The following ATRNL1 variants were observed in gnomAD, a reference collection of about 807,000 sequenced individuals.
The protein encoded by ATRNL1 is attractin-like protein 1.
Under a neutral mutation model 182.7 loss-of-function variants are expected in ATRNL1, and 95 were observed. The ratio of observed to expected loss-of-function variants is 0.52; its 90% CI spans 0.44 to 0.62. The LOEUF is 0.62. Ranked by LOEUF, ATRNL1 falls within the 20% of genes least tolerant of loss-of-function variation. The pLI is 0.00. For synonymous variants in ATRNL1, 576 were observed against 568.3 expected (o/e 1.01, Z -0.19); for missense variants, 1,471 against 1,679.5 (o/e 0.88, Z 2.17).
intron 8 of ATRNL1, among the ~76,000 whole-genome samples, chr10:115,185,547 C>G (rs1847907105): frequency 6.6e-6 from 1 of 151,814 alleles, no homozygotes; most frequent in Non-Finnish European, 1.5e-5. Context: ...TGAGAGTAGA[C>G]AGACAGGTAC....
intron 20 of ATRNL1, among the ~76,000 whole-genome samples, chr10:115,407,046 T>C (rs1385973076): frequency 2.0e-5 from 3 of 152,166 alleles, no homozygotes; most frequent in African/African-American, 7.2e-5. Flanking sequence ...GATTTTTGTT[T>C]CTTCTAGTGT....
At chr10:115,160,271 G>GT in intron 6 of ATRNL1, 57 bp downstream of exon 6, 2 of 1,470,132 alleles carry the variant, frequency 1.4e-6, no homozygotes, top group East Asian at 2.4e-5. Context: ...TATCCAAAAT[G>GT]TCTTTTTTTT....
intron 24 of ATRNL1, among the ~76,000 whole-genome samples, chr10:115,500,309 A>T (rs963773666): frequency 1.3e-5 from 2 of 152,212 alleles, no homozygotes; most frequent in African/African-American, 2.4e-5. Flanking sequence ...AATAAGGAAA[A>T]CAAATTGAAA....
chr10:115,695,064 T>G (rs1167837698), intron 26 of ATRNL1, among the ~76,000 whole-genome samples: 2 of 152,016 alleles, frequency 1.3e-5, no homozygotes, highest in Admixed American at 6.6e-5. Flanking sequence ...AATACTGTTT[T>G]TCATAAAATA....
chr10:115,636,850 A>T (rs1262824198), intron 26 of ATRNL1, among the ~76,000 whole-genome samples: 8 of 152,234 alleles, frequency 5.3e-5, no homozygotes, highest in Admixed American at 5.2e-4. Context: ...TAGCATATCC[A>T]TACAGTGGAA....
chr10:115,192,933 C>T (rs1554890184), intron 8 of ATRNL1, among the ~76,000 whole-genome samples: 1 of 151,892 alleles, frequency 6.6e-6, no homozygotes, highest in Non-Finnish European at 1.5e-5. Context: ...ATCCCTGCAA[C>T]ATTACTGGAT....
intron 26 of ATRNL1, among the ~76,000 whole-genome samples, chr10:115,678,503 A>C (rs554914477): frequency 1.3e-5 from 2 of 152,084 alleles, no homozygotes; most frequent in South Asian, 4.1e-4. Context: ...TTTTATTACC[A>C]CTTTGCTCAT....
intron 5 of ATRNL1, among the ~76,000 whole-genome samples, chr10:115,137,035 A>G (rs1015164991): frequency 2.0e-5 from 3 of 152,224 alleles, no homozygotes; most frequent in Admixed American, 2.0e-4. Flanking sequence ...AAAGAACACA[A>G]TAGAACAGTA....
chr10:115,569,422 T>C (rs1306923331), intron 26 of ATRNL1, among the ~76,000 whole-genome samples: 1 of 152,192 alleles, frequency 6.6e-6, no homozygotes, highest in Admixed American at 6.5e-5. Context: ...TTTTTATAGC[T>C]ATGAGCAGAT....
At chr10:115,546,562 G>C (rs1259451948) in intron 25 of ATRNL1, among the ~76,000 whole-genome samples, 2 of 140,992 alleles carry the variant, frequency 1.4e-5, no homozygotes, top group African/African-American at 6.2e-5. Context: ...GTGAGACTCT[G>C]TCTCAAAAAA....
intron 26 of ATRNL1, among the ~76,000 whole-genome samples, chr10:115,608,934 A>T (rs1555018259): frequency 6.6e-6 from 1 of 151,978 alleles, no homozygotes; most frequent in African/African-American, 2.4e-5. Context: ...TAATGGTAAT[A>T]GTTACTGGGG....
At chr10:115,809,254 G>A (rs1289144719) in intron 27 of ATRNL1, among the ~76,000 whole-genome samples, 1 of 152,006 alleles carries the variant, frequency 6.6e-6, no homozygotes, top group Non-Finnish European at 1.5e-5. Flanking sequence ...TCTTAAAGTA[G>A]TGTGAAGCCT....
chr10:115,798,448 A>G (rs1555083532), intron 27 of ATRNL1, among the ~76,000 whole-genome samples: 1 of 152,084 alleles, frequency 6.6e-6, no homozygotes, highest in African/African-American at 2.4e-5. Flanking sequence ...AACATAACTG[A>G]CTGTGTGTTC....
At chr10:115,684,801 A>G (rs79848559) in intron 26 of ATRNL1, among the ~76,000 whole-genome samples, 4,642 of 151,816 alleles carry the variant, frequency 0.031, 246 homozygotes, top group African/African-American at 0.11. Context: ...TGTAATGCAC[A>G]TATAGTGTAA....
chr10:115,407,289 T>C (rs1438945895), intron 20 of ATRNL1, among the ~76,000 whole-genome samples: 1 of 152,168 alleles, frequency 6.6e-6, no homozygotes, highest in African/African-American at 2.4e-5. Context: ...TTGTTAACTA[T>C]AGTCCTCTTA....
rs545094780 is a variant in ATRNL1 at position 115,360,297 on chromosome 10, A to G, written c.3175+25878A>G. Among the ~76,000 whole-genome samples, 17 of 150,670 alleles carry G rather than the reference A, an allele frequency of 1.1e-4. No homozygotes were observed. The East Asian group carries it at 3.3e-3, about 29-fold the overall frequency. On this transcript the variant is annotated intron_variant, in intron 19 of 28. Transcript: ENST00000355044. ...ATTTCTAAGTGTAGAAATGTTTAGT[A>G]TTTATAAAATGGAAAAGTTCTATTT...
At chr10:115,107,039 C>A (rs909536471) in intron 1 of ATRNL1, among the ~76,000 whole-genome samples, 11 of 152,096 alleles carry the variant, frequency 7.2e-5, no homozygotes, top group African/African-American at 2.4e-4. Context: ...GAACCCATTC[C>A]CCTGATAATG....
At chr10:115,501,287 C>A (rs1352792883) in intron 24 of ATRNL1, among the ~76,000 whole-genome samples, 1 of 152,018 alleles carries the variant, frequency 6.6e-6, no homozygotes, top group East Asian at 1.9e-4. Flanking sequence ...CCATTAAATA[C>A]CTATGAGTTG....
intron 28 of ATRNL1, among the ~76,000 whole-genome samples, chr10:115,921,988 T>G (rs1953078656): frequency 6.6e-6 from 1 of 152,188 alleles, no homozygotes; most frequent in African/African-American, 2.4e-5. Context: ...TAGGGATTGT[T>G]GACTCACCTC....
Sources: gnomAD v4.1 joint callset for allele counts (sites outside exome capture counted in the v4.1 genomes callset) on GRCh38, gnomAD v4.1.1 for gene constraint, MANE v1.5 for transcripts, NCBI Gene and HGNC (gene_info 2026-07-23, HGNC 2026-07-21) for gene names.